Variants in SAMTOR observed in about 807,000 individuals in gnomAD.
The protein encoded by SAMTOR is UPF0532 protein C7orf60.
the SAMTOR span, among the ~76,000 whole-genome samples, chr7:112,907,391 AC>A: frequency 6.6e-6 from 1 of 152,276 alleles, no homozygotes; most frequent in African/African-American, 2.4e-5. Context: ...CTAGAAGAAA[AC>A]ACGAGTGAAT....
At chr7:112,922,512 A>G in the SAMTOR span, among the ~76,000 whole-genome samples, 182 of 149,050 alleles carry the variant, frequency 1.2e-3, no homozygotes, top group African/African-American at 4.4e-3. Context: ...GGAAGTGAGG[A>G]GCGCCTCTTC....
the SAMTOR span, among the ~76,000 whole-genome samples, chr7:112,930,159 C>T: frequency 6.6e-6 from 1 of 152,088 alleles, no homozygotes; most frequent in Non-Finnish European, 1.5e-5. Flanking sequence ...TTCTCTAACA[C>T]AAGGTAAGTA....
the SAMTOR span, among the ~76,000 whole-genome samples, chr7:112,842,149 A>T: frequency 6.6e-6 from 1 of 151,984 alleles, no homozygotes; most frequent in East Asian, 1.9e-4. Flanking sequence ...TTTGAGTAGA[A>T]GTCTCTTTGC....
At chr7:112,907,799 T>A in the SAMTOR span, among the ~76,000 whole-genome samples, 1 of 152,018 alleles carries the variant, frequency 6.6e-6, no homozygotes, top group Non-Finnish European at 1.5e-5. Flanking sequence ...CTGAGCCACA[T>A]ACTATGTTGG....
chr7:112,867,685 C>G, the SAMTOR span, among the ~76,000 whole-genome samples: 1 of 152,094 alleles, frequency 6.6e-6, no homozygotes, highest in African/African-American at 2.4e-5. Context: ...GAATAATATT[C>G]TAAAAAGCAC....
the SAMTOR span, among the ~76,000 whole-genome samples, chr7:112,901,007 G>A: frequency 6.6e-6 from 1 of 152,128 alleles, no homozygotes; most frequent in Non-Finnish European, 1.5e-5. Flanking sequence ...TGACACCAAA[G>A]GCATGATCTG....
chr7:112,839,441 T>C, the SAMTOR span, among the ~76,000 whole-genome samples: 3 of 151,948 alleles, frequency 2.0e-5, no homozygotes, highest in East Asian at 3.9e-4. Flanking sequence ...GAAACTTCAC[T>C]TGGTGTTTAT....
chr7:112,929,410 G>T, the SAMTOR span, among the ~76,000 whole-genome samples: 11 of 151,940 alleles, frequency 7.2e-5, no homozygotes, highest in African/African-American at 2.7e-4. Flanking sequence ...CATCTGTTAG[G>T]ATGGCTATTA....
chr7:112,838,665 A>T, the SAMTOR span, among the ~76,000 whole-genome samples: 1 of 151,890 alleles, frequency 6.6e-6, no homozygotes. Flanking sequence ...GTCAAATAAC[A>T]CAGAAGGAAA....
the SAMTOR span, among the ~76,000 whole-genome samples, chr7:112,846,344 C>T: frequency 6.6e-6 from 1 of 151,942 alleles, no homozygotes; most frequent in Non-Finnish European, 1.5e-5. Context: ...AGGGAAACAA[C>T]AGACACTGGG....
the SAMTOR span, among the ~76,000 whole-genome samples, chr7:112,883,737 C>A: frequency 6.6e-6 from 1 of 152,162 alleles, no homozygotes; most frequent in Non-Finnish European, 1.5e-5. Flanking sequence ...ACATGCATGC[C>A]ATACTTCTGC....
At chr7:112,859,190 C>T in the SAMTOR span, among the ~76,000 whole-genome samples, 11 of 152,238 alleles carry the variant, frequency 7.2e-5, no homozygotes, top group East Asian at 1.9e-4. Context: ...CCAGCCCCCA[C>T]GATTCATGTG....
At chr7:112,819,303 C>CA in the SAMTOR span, 1 of 152,466 alleles carries the variant, frequency 6.6e-6, no homozygotes, top group Non-Finnish European at 1.5e-5. Context: ...AGAATCCAAC[C>CA]AAATGATTAC....
the SAMTOR span, chr7:112,915,566 A>G: frequency 1.5e-6 from 1 of 666,570 alleles, no homozygotes; most frequent in Non-Finnish European, 2.2e-6. Flanking sequence ...ATAAAGTAAA[A>G]CCATAAAATT....
the SAMTOR span, among the ~76,000 whole-genome samples, chr7:112,927,641 G>A: frequency 5.9e-5 from 9 of 151,986 alleles, no homozygotes; most frequent in South Asian, 2.1e-4. Flanking sequence ...AAAGGGAGGC[G>A]TGGAGAACAA....
At chr7:112,918,210 A>G in the SAMTOR span, among the ~76,000 whole-genome samples, 2 of 152,214 alleles carry the variant, frequency 1.3e-5, no homozygotes, top group African/African-American at 4.8e-5. Context: ...AGGTCGGGTT[A>G]CCCACAAAGG....
At chr7:112,840,336 C>T in the SAMTOR span, among the ~76,000 whole-genome samples, 1 of 151,918 alleles carries the variant, frequency 6.6e-6, no homozygotes, top group African/African-American at 2.4e-5. Context: ...CTGTTAACCA[C>T]ATAAATTAGT....
chr7:112,902,459 A>AAAAAAAC, the SAMTOR span, among the ~76,000 whole-genome samples: 1 of 146,436 alleles, frequency 6.8e-6, no homozygotes. Flanking sequence ...CAAAAAAAAA[A>AAAAAAAC]ACCAAAAAAG....
the SAMTOR span, among the ~76,000 whole-genome samples, chr7:112,842,050 T>A: frequency 6.6e-6 from 1 of 152,022 alleles, no homozygotes; most frequent in African/African-American, 2.4e-5. Flanking sequence ...CTCTGCTGAC[T>A]TTAGGTCGTA....
Sources: gnomAD v4.1 joint callset for allele counts (sites outside exome capture counted in the v4.1 genomes callset) on GRCh38, gnomAD v4.1.1 for gene constraint, MANE v1.5 for transcripts, NCBI Gene and HGNC (gene_info 2026-07-23, HGNC 2026-07-21) for gene names.